ZNF423: variants seen among roughly 807,000 people sequenced by gnomAD.
ZNF423 encodes the protein zinc finger protein 423.
Under a neutral mutation model 95.8 loss-of-function variants are expected in ZNF423, and 12 were observed. The observed-to-expected ratio is 0.13, with a 90% CI of 0.08 to 0.20. The LOEUF (loss-of-function observed/expected upper bound fraction) is 0.20. Ranked by LOEUF, ZNF423 falls within the 10% of genes least tolerant of loss-of-function variation. The probability of loss-of-function intolerance (pLI) is 1.00; values close to 1 mark genes in which losing one functional copy is unlikely to be tolerated. For synonymous variants in ZNF423, 749 were observed against 711.9 expected (o/e 1.05, Z -0.83); for missense variants, 1,316 against 1,737.1 (o/e 0.76, Z 4.31).
upstream of ZNF423, among the ~76,000 whole-genome samples, chr16:49,856,379 G>C (rs977237830): frequency 6.7e-6 from 1 of 148,538 alleles, no homozygotes. Context: ...CTCAAGGGGG[G>C]AGGAGACCGG....
rs141245867 is a variant in ZNF423, at chr16:49,643,230, A to C, written c.302-4356T>G. On this transcript the variant is annotated intron_variant, in intron 3 of 7. Coordinates refer to ENST00000563137, the MANE Select transcript of ZNF423 (RefSeq NM_001379286.1). ...CAATCCCAAAGTCCCCTCCAACATG[A>C]ACATTCCAGAATTCAGGAAGAAGGT... Among the ~76,000 whole-genome samples, 792 of 152,264 alleles carry C rather than the reference A, an allele frequency of 5.2e-3. 3 individuals are homozygous for C. Among genetic ancestry groups the C allele is most frequent in the Non-Finnish European group, 8.2e-3 (555 of 68,014 alleles).
At chr16:49,559,504 T>C (rs1390959915) in intron 5 of ZNF423, among the ~76,000 whole-genome samples, 1 of 152,154 alleles carries the variant, frequency 6.6e-6, no homozygotes, top group Non-Finnish European at 1.5e-5. Flanking sequence ...GAATGAGTGG[T>C]TGGACCCAAA....
intron 7 of ZNF423, among the ~76,000 whole-genome samples, chr16:49,502,774 AC>A (rs1336029326): frequency 2.7e-5 from 4 of 149,956 alleles, no homozygotes; most frequent in Admixed American, 2.7e-4. Context: ...ATGCATGCAC[AC>A]ACACAAATAC....
At chr16:49,509,927 G>GA (rs1434960270) in intron 7 of ZNF423, among the ~76,000 whole-genome samples, 2 of 152,162 alleles carry the variant, frequency 1.3e-5, no homozygotes, top group African/African-American at 4.8e-5. Flanking sequence ...CTCAGAATGG[G>GA]AAAAAAATCA....
intron 7 of ZNF423, among the ~76,000 whole-genome samples, chr16:49,517,582 G>A (rs1044157446): frequency 9.9e-5 from 15 of 152,090 alleles, no homozygotes; most frequent in African/African-American, 3.6e-4. Context: ...ACAAAGCTTA[G>A]TCTCCCCTAT....
intron 7 of ZNF423, among the ~76,000 whole-genome samples, chr16:49,510,369 C>T (rs1010204131): frequency 5.3e-5 from 8 of 152,170 alleles, no homozygotes; most frequent in African/African-American, 9.7e-5. Context: ...GGGGGGTGGA[C>T]GTTGACTGTG....
chr16:49,804,881 G>C (rs995503985), intron 1 of ZNF423, among the ~76,000 whole-genome samples: 4 of 145,172 alleles, frequency 2.8e-5, no homozygotes, highest in Non-Finnish European at 6.0e-5. Flanking sequence ...TGGAAACCCT[G>C]ATCCCACAGC....
At chr16:49,658,995 A>G (rs1346562923) in intron 3 of ZNF423, among the ~76,000 whole-genome samples, 3 of 152,204 alleles carry the variant, frequency 2.0e-5, no homozygotes, top group African/African-American at 7.2e-5. Flanking sequence ...CACTCACCAG[A>G]CACTTCCTAC....
chr16:49,679,662 C>T (rs918090602), intron 3 of ZNF423, among the ~76,000 whole-genome samples: 14 of 152,314 alleles, frequency 9.2e-5, no homozygotes, highest in Middle Eastern at 3.4e-3. Flanking sequence ...AGGTGCCCCT[C>T]GGCACAAACA....
At position 49,637,665 on chromosome 16, in the gene ZNF423, T is replaced by C; in HGVS notation, c.1511A>G (p.Gln504Arg). The C allele has an allele frequency of 1.9e-6, 3 of 1,614,122 alleles. No individual in the cohort carries two copies. Among genetic ancestry groups the C allele is most frequent in the Non-Finnish European group, 2.5e-6 (3 of 1,180,036 alleles). Residue 504 changes from glutamine (Q) to arginine (R), a missense_variant, in exon 4 of 8, where the codon CAG (glutamine) becomes CGG (arginine). By Grantham distance (43) the Gln-to-Arg change is conservative (BLOSUM62 1). This residue lies in a region of ZNF423 where 399 missense variants were observed against 478.5 expected (regional missense o/e 0.83). Coordinates refer to ENST00000563137, the MANE Select transcript of ZNF423 (RefSeq NM_001379286.1). This position sits in a 1 kb window ranked among gnomAD's most constrained non-coding sequence, Gnocchi z 5.6. Reference protein sequence around the residue: ...PEMFADINSLQEHIRVSHCGP... With the variant: ...PEMFADINSLREHIRVSHCGP... ...GCAGTGGGAGACGCGGATGTGCTCC[T>C]GCAGGCTATTGATGTCGGCGAACAT...
intron 1 of ZNF423, among the ~76,000 whole-genome samples, chr16:49,798,703 C>T (rs936829005): frequency 1.3e-5 from 2 of 152,136 alleles, no homozygotes; most frequent in African/African-American, 2.4e-5. Context: ...GTCTCCACGT[C>T]GGCGCTTGTA....
chr16:49,675,933 G>A (rs1000386968), intron 3 of ZNF423, among the ~76,000 whole-genome samples: 1 of 152,186 alleles, frequency 6.6e-6, no homozygotes, highest in Admixed American at 6.5e-5. Flanking sequence ...CTGTGCAGAG[G>A]TGTGCAACAT....
At position 49,637,685 on chromosome 16, in the gene ZNF423, G is replaced by A. The variant is rs776964253; in HGVS notation, c.1491C>T (p.Phe497=). ...AFHCNYCPEM[F]ADINSLQEHI... Reference sequence around the variant, plus strand: ...GCTCCTGCAGGCTATTGATGTCGGCGAACATCTCGGGGCAGTAGTTGCAGT... The same window carrying A: ...GCTCCTGCAGGCTATTGATGTCGGCAAACATCTCGGGGCAGTAGTTGCAGT... Residue 497 remains phenylalanine, a synonymous_variant, in exon 4 of 8, where the codon TTC becomes TTT. Coordinates refer to ENST00000563137, the MANE Select transcript of ZNF423 (RefSeq NM_001379286.1). The surrounding 1 kb of genome is among the most constrained non-coding windows in gnomAD (Gnocchi z 5.6). 11 of 1,614,038 alleles carry A rather than the reference G, an allele frequency of 6.8e-6. No homozygotes were observed. The highest frequency in any genetic ancestry group is 1.6e-4 in the Middle Eastern group (1 of 6,084).
intron 7 of ZNF423, among the ~76,000 whole-genome samples, chr16:49,491,590 G>A (rs1019125947): frequency 6.6e-6 from 1 of 150,402 alleles, no homozygotes; most frequent in South Asian, 2.1e-4. Flanking sequence ...TTACCGGGGG[G>A]ACTGGCTAGG....
chr16:49,493,695 G>A (rs1967056543), intron 7 of ZNF423, among the ~76,000 whole-genome samples: 1 of 152,224 alleles, frequency 6.6e-6, no homozygotes, highest in Admixed American at 6.5e-5. Context: ...CACTCAGGCA[G>A]TATTTGTGAA....
At chr16:49,800,948 G>A (rs568413915) in intron 1 of ZNF423, among the ~76,000 whole-genome samples, 2 of 152,328 alleles carry the variant, frequency 1.3e-5, no homozygotes, top group Admixed American at 6.5e-5. Flanking sequence ...CCCAGCCATG[G>A]GGTAGGAAAA....
At chr16:49,533,354 T>G (rs1319475028) in intron 5 of ZNF423, among the ~76,000 whole-genome samples, 1 of 152,194 alleles carries the variant, frequency 6.6e-6, no homozygotes, top group Non-Finnish European at 1.5e-5. Context: ...AAGGGCTGGC[T>G]GCCTCAACCA....
chr16:49,578,445 A>G (rs544053216), intron 5 of ZNF423, among the ~76,000 whole-genome samples: 1 of 149,420 alleles, frequency 6.7e-6, no homozygotes, highest in Non-Finnish European at 1.5e-5. Context: ...CCTCTGCTCC[A>G]GGGAAAAACA....
At chr16:49,747,454 G>C (rs886261295) in intron 2 of ZNF423, among the ~76,000 whole-genome samples, 1 of 152,158 alleles carries the variant, frequency 6.6e-6, no homozygotes, top group Non-Finnish European at 1.5e-5. Context: ...AGACATACAG[G>C]GAAATGAAGA....
Sources: allele counts gnomAD v4.1 joint callset (sites outside exome capture counted in the v4.1 genomes callset), GRCh38; gene constraint gnomAD v4.1.1; regional missense constraint gnomAD v4.1.1; non-coding constraint Gnocchi (gnomAD v3.1); transcripts MANE v1.5; gene names NCBI Gene and HGNC (gene_info 2026-07-23, HGNC 2026-07-21).